GRM5: variants seen among roughly 807,000 people sequenced by gnomAD.
The protein encoded by GRM5 is metabotropic glutamate receptor 5.
In GRM5, 19 loss-of-function variants were observed where a neutral mutation model predicts 83.1. The observed-to-expected ratio is 0.23, with a 90% CI of 0.16 to 0.34. GRM5 has a LOEUF of 0.34. Among genes scored for constraint, GRM5 ranks in the 10% least tolerant of loss-of-function variants. GRM5 has a pLI of 1.00. For synonymous variants in GRM5, 675 were observed against 633.6 expected (o/e 1.07, Z -0.98); for missense variants, 1,160 against 1,588.3 (o/e 0.73, Z 4.58).
chr11:89,031,194 T>C (rs1050599473), intron 2 of GRM5, among the ~76,000 whole-genome samples: 4 of 152,022 alleles, frequency 2.6e-5, no homozygotes, highest in Non-Finnish European at 4.4e-5. Context: ...AATGTTTTCT[T>C]TCTTAAGCCA....
At chr11:88,783,453 CAAAT>C (rs927858901) in intron 3 of GRM5, among the ~76,000 whole-genome samples, 2 of 151,932 alleles carry the variant, frequency 1.3e-5, no homozygotes, top group African/African-American at 2.4e-5. Context: ...TAAAAAGAAA[CAAAT>C]AATAATGCAG....
chr11:88,760,749 A>G (rs1453450602), intron 3 of GRM5, among the ~76,000 whole-genome samples: 1 of 141,896 alleles, frequency 7.0e-6, no homozygotes, highest in African/African-American at 2.4e-5. Context: ...ACAGAGATAC[A>G]ACAAAAAAAG....
intron 4 of GRM5, among the ~76,000 whole-genome samples, chr11:88,616,821 C>T (rs1186512654): frequency 6.6e-6 from 1 of 152,108 alleles, no homozygotes; most frequent in Non-Finnish European, 1.5e-5. Flanking sequence ...TATCTCTAAC[C>T]TGGATCTAAG....
chr11:88,905,494 A>G (rs1945388293), intron 2 of GRM5, among the ~76,000 whole-genome samples: 1 of 152,034 alleles, frequency 6.6e-6, no homozygotes, highest in African/African-American at 2.4e-5. Flanking sequence ...GGTGCCCATC[A>G]TTACACCTGG....
At chr11:89,048,164 T>C (rs1941683123) in intron 1 of GRM5, 92 bp from the exon 2 acceptor site, 6 of 306,212 alleles carry the variant, frequency 2.0e-5, no homozygotes, top group Non-Finnish European at 3.0e-5. Context: ...AGAAAATATT[T>C]TGATGATGCA....
chr11:88,972,329 T>G (rs1310938745), intron 2 of GRM5, among the ~76,000 whole-genome samples: 4 of 152,120 alleles, frequency 2.6e-5, no homozygotes, highest in African/African-American at 9.7e-5. Context: ...ATACATACTC[T>G]TAGTCTATAA....
chr11:88,512,047 C>T (rs308883), intron 9 of GRM5: 34,845 of 152,118 alleles, frequency 0.23, 4,261 homozygotes, highest in African/African-American at 0.31. Context: ...CTCTCTCTCT[C>T]TCTCGAATGC....
intron 8 of GRM5, among the ~76,000 whole-genome samples, chr11:88,564,257 T>A (rs1206001752): frequency 6.6e-6 from 1 of 152,202 alleles, no homozygotes; most frequent in Admixed American, 6.5e-5. Flanking sequence ...TTTCAGATTC[T>A]AACATCCAAA....
intron 2 of GRM5, among the ~76,000 whole-genome samples, chr11:88,924,684 T>A (rs957475064): frequency 1.3e-5 from 2 of 151,948 alleles, no homozygotes; most frequent in African/African-American, 4.8e-5. Flanking sequence ...AAGTCAAAAA[T>A]GTACAAACTT....
chr11:88,861,254 C>T (rs1944556913), intron 2 of GRM5, among the ~76,000 whole-genome samples: 1 of 152,078 alleles, frequency 6.6e-6, no homozygotes, highest in Admixed American at 6.6e-5. Context: ...ACTCTTCTCT[C>T]CAGTCTCACT....
intron 2 of GRM5, among the ~76,000 whole-genome samples, chr11:89,031,344 T>C (rs1258432076): frequency 2.0e-5 from 3 of 151,944 alleles, no homozygotes; most frequent in Non-Finnish European, 4.4e-5. Context: ...GAATTTAATC[T>C]TTTTGATTAT....
intron 2 of GRM5, among the ~76,000 whole-genome samples, chr11:89,034,317 A>G (rs1258311109): frequency 6.6e-6 from 1 of 151,930 alleles, no homozygotes; most frequent in Non-Finnish European, 1.5e-5. Context: ...ATTACTTACT[A>G]CACCATCTAC....
chr11:88,677,485 G>GCTA (rs1274237684), intron 3 of GRM5, among the ~76,000 whole-genome samples: 1 of 152,128 alleles, frequency 6.6e-6, no homozygotes, highest in Non-Finnish European at 1.5e-5. Context: ...AGCATATGAG[G>GCTA]TTGTAAGGCT....
intron 2 of GRM5, among the ~76,000 whole-genome samples, chr11:88,864,229 G>A (rs1944619007): frequency 6.6e-6 from 1 of 150,728 alleles, no homozygotes; most frequent in Non-Finnish European, 1.5e-5. Context: ...ACAAGGGGGA[G>A]GCCCAAACTT....
intron 2 of GRM5, among the ~76,000 whole-genome samples, chr11:88,914,726 G>C (rs1234237992): frequency 2.0e-5 from 3 of 152,122 alleles, no homozygotes; most frequent in Non-Finnish European, 4.4e-5. Flanking sequence ...ACTGCATAGT[G>C]AATTAAAGGT....
At chr11:89,058,597 G>C (rs1190701999) in intron 1 of GRM5, among the ~76,000 whole-genome samples, 1 of 152,172 alleles carries the variant, frequency 6.6e-6, no homozygotes, top group African/African-American at 2.4e-5. Flanking sequence ...GCTAAGGAGA[G>C]ACGGTTGAAA....
chr11:88,671,062 C>T (rs952945963), intron 3 of GRM5, among the ~76,000 whole-genome samples: 7 of 151,852 alleles, frequency 4.6e-5, no homozygotes, highest in African/African-American at 1.7e-4. Context: ...TAAAGTTCAC[C>T]TTAATAAAAA....
chr11:88,573,330 T>G (rs923397664), intron 7 of GRM5, among the ~76,000 whole-genome samples: 1 of 152,202 alleles, frequency 6.6e-6, no homozygotes, highest in Non-Finnish European at 1.5e-5. Context: ...ATGTGACTCC[T>G]CATTCACAGC....
Position 88,604,708 on chromosome 11 carries a change from AAC to A in GRM5, c.1394+8_1394+9del, listed in dbSNP as rs376748672. ...TCTCTACTCTGCAGAGGAGAATTGT[AAC>A]ACAATACCTTCCTGGAGAGTCTCCA... On this transcript the variant is annotated splice_region_variant and intron_variant, in intron 5 of 9. Coordinates refer to ENST00000305447, the MANE Select transcript of GRM5 (RefSeq NM_001143831.3). 2,643 of 1,605,582 alleles carry A rather than the reference AAC, an allele frequency of 1.6e-3. 8 individuals are homozygous for A. Among genetic ancestry groups the A allele is most frequent in the Middle Eastern group, 6.3e-3 (38 of 6,036 alleles).
Sources: gnomAD v4.1 joint callset for allele counts (sites outside exome capture counted in the v4.1 genomes callset) on GRCh38, gnomAD v4.1.1 for gene constraint, MANE v1.5 for transcripts, NCBI Gene and HGNC (gene_info 2026-07-23, HGNC 2026-07-21) for gene names.